The following EVI5 variants were observed in gnomAD, a reference collection of about 807,000 sequenced individuals.
EVI5 encodes ecotropic viral integration site 5 protein homolog.
Under a neutral mutation model 112.0 loss-of-function variants are expected in EVI5, and 73 were observed. The observed-to-expected ratio is 0.65, with a 90% confidence interval of 0.54 to 0.79. EVI5 has a LOEUF of 0.79. Ranked by LOEUF, EVI5 falls within the 30% of genes least tolerant of loss-of-function variation. EVI5 has a pLI of 0.00. For missense variants in EVI5, 900 were observed against 968.8 expected, an observed-to-expected ratio of 0.93 and a Z score of 0.94; for synonymous variants, 305 against 319.9, an observed-to-expected ratio of 0.95 and a Z score of 0.50.
At chr1:92,576,532 G>C (rs1359513521) in intron 18 of EVI5, among the ~76,000 whole-genome samples, 2 of 147,460 alleles carry the variant, frequency 1.4e-5, no homozygotes, top group African/African-American at 4.9e-5. Context: ...AATGTATCAA[G>C]AGAGATAGCT....
intron 19 of EVI5, among the ~76,000 whole-genome samples, chr1:92,540,925 T>A (rs1334710155): frequency 2.6e-5 from 4 of 152,038 alleles, no homozygotes; most frequent in Non-Finnish European, 5.9e-5. Flanking sequence ...AATACAAAAA[T>A]TAGCCAGGCG....
intron 2 of EVI5, among the ~76,000 whole-genome samples, chr1:92,722,394 C>A (rs1674892432): frequency 6.6e-6 from 1 of 151,714 alleles, no homozygotes; most frequent in Non-Finnish European, 1.5e-5. Flanking sequence ...ATACATGAGC[C>A]ATGTTGGTGT....
intron 19 of EVI5, among the ~76,000 whole-genome samples, chr1:92,528,215 T>C (rs962323093): frequency 6.6e-5 from 10 of 152,222 alleles, no homozygotes; most frequent in African/African-American, 2.4e-4. Flanking sequence ...AGATACGGAA[T>C]AGGAAGTCTT....
intron 19 of EVI5, among the ~76,000 whole-genome samples, chr1:92,527,329 C>T (rs1347879042): frequency 1.4e-5 from 2 of 145,496 alleles, no homozygotes; most frequent in African/African-American, 2.6e-5. Flanking sequence ...GTAGGAGACT[C>T]GGTTGAACCT....
intron 1 of EVI5, among the ~76,000 whole-genome samples, chr1:92,769,614 G>A (rs939988379): frequency 3.3e-5 from 5 of 152,112 alleles, no homozygotes; most frequent in African/African-American, 9.7e-5. Flanking sequence ...GGCTGGGCAC[G>A]GTGGCTCACG....
intron 2 of EVI5, among the ~76,000 whole-genome samples, chr1:92,718,775 C>G (rs1674222321): frequency 6.6e-6 from 1 of 151,688 alleles, no homozygotes; most frequent in Non-Finnish European, 1.5e-5. Flanking sequence ...TTGAAAAGAT[C>G]AACAAAATTG....
chr1:92,675,200 C>T, intron 10 of EVI5, among the ~76,000 whole-genome samples: 1 of 152,080 alleles, frequency 6.6e-6, no homozygotes, highest in East Asian at 1.9e-4. Context: ...AAAAATTAGC[C>T]AGGCATGGTG....
intron 1 of EVI5, among the ~76,000 whole-genome samples, chr1:92,790,519 T>C (rs532686825): frequency 3.3e-5 from 5 of 152,030 alleles, no homozygotes; most frequent in Admixed American, 2.6e-4. Flanking sequence ...CTGGTTTTTT[T>C]TTTTGGTTTT....
chr1:92,636,336 G>A lies in EVI5; in HGVS notation c.1393C>T (p.His465Tyr). The A allele has an allele frequency of 6.2e-7, 1 of 1,612,732 alleles. No homozygotes were observed. The highest frequency in any genetic ancestry group is 1.3e-5 in the African/African-American group (1 of 74,998). The change falls in exon 14 of 20, where the codon CAT becomes TAT. Residue 465 changes from histidine to tyrosine, a missense_variant and splice_region_variant. Transcript: ENST00000684568. The stretch of plus-strand genomic sequence containing the variant: ...TCGTTGTAGTTGGAACTGCATTTAT[G>A]CTAAAGGTTACAGACATACACTGAA... ...IRKLQHQQQWHKCSSNYNEDF... is the reference protein window; with the variant it reads ...IRKLQHQQQWYKCSSNYNEDF...
At chr1:92,623,201 A>G (rs1654953939) in intron 16 of EVI5, among the ~76,000 whole-genome samples, 1 of 152,342 alleles carries the variant, frequency 6.6e-6, no homozygotes, top group Non-Finnish European at 1.5e-5. Flanking sequence ...TTTTAATTAT[A>G]CTGAATAAAA....
chr1:92,785,190 GGCCGGCC>G (rs1685482435), upstream of EVI5: 1 of 814,930 alleles, frequency 1.2e-6, no homozygotes, highest in Admixed American at 6.2e-5. Context: ...GGGCCGGGCG[GGCCGGCC>G]GAGAAAAGGA....
intron 18 of EVI5, among the ~76,000 whole-genome samples, chr1:92,583,542 A>AT (rs1672304657): frequency 1.4e-5 from 2 of 144,250 alleles, no homozygotes; most frequent in African/African-American, 5.1e-5. Flanking sequence ...AAAAAATTAG[A>AT]TTTTTCATCC....
chr1:92,788,258 G>A (rs1377559446), upstream of EVI5, among the ~76,000 whole-genome samples: 2 of 151,712 alleles, frequency 1.3e-5, no homozygotes, highest in African/African-American at 2.4e-5. Context: ...TTGCCCGAGC[G>A]GAAGAGTTCA....
intron 19 of EVI5, among the ~76,000 whole-genome samples, chr1:92,533,125 C>G (rs1431015483): frequency 1.3e-5 from 2 of 151,710 alleles, no homozygotes; most frequent in Non-Finnish European, 2.9e-5. Context: ...ACTGATCCCA[C>G]AGAAATACAA....
intron 1 of EVI5, chr1:92,755,945 T>C: frequency 5.7e-6 from 1 of 174,624 alleles, no homozygotes; most frequent in Non-Finnish European, 1.3e-5. Context: ...TTTTGCTGAC[T>C]TGACTGCCAT....
intron 1 of EVI5, among the ~76,000 whole-genome samples, chr1:92,759,621 T>C (rs765546399): frequency 6.6e-6 from 1 of 152,212 alleles, no homozygotes; most frequent in Non-Finnish European, 1.5e-5. Flanking sequence ...TCCATTTCCC[T>C]TTCTTGCATC....
intron 19 of EVI5, among the ~76,000 whole-genome samples, chr1:92,550,430 G>A (rs1367044161): frequency 6.6e-6 from 1 of 151,318 alleles, no homozygotes; most frequent in Non-Finnish European, 1.5e-5. Flanking sequence ...CACCAACATG[G>A]CACATGTATA....
intron 1 of EVI5, among the ~76,000 whole-genome samples, chr1:92,765,796 C>T (rs889139127): frequency 5.9e-5 from 9 of 152,020 alleles, no homozygotes; most frequent in Non-Finnish European, 7.4e-5. Context: ...GGGGAAAGGG[C>T]GGGGCATGGT....
chr1:92,596,133 C>T (rs1647784863), intron 18 of EVI5, among the ~76,000 whole-genome samples: 1 of 151,956 alleles, frequency 6.6e-6, no homozygotes, highest in African/African-American at 2.4e-5. Context: ...AAGGTGAGTG[C>T]ACTGCTTGAG....
Sources: allele counts gnomAD v4.1 joint callset (sites outside exome capture counted in the v4.1 genomes callset), GRCh38; gene constraint gnomAD v4.1.1; transcripts MANE v1.5; gene names NCBI Gene and HGNC (gene_info 2026-07-23, HGNC 2026-07-21).